Variants in SNX4 observed in about 807,000 individuals in gnomAD.
The protein encoded by SNX4 is sorting nexin 4.
SNX4 carries 49 observed loss-of-function variants against 70.8 expected under a neutral mutation model. That is an observed-to-expected ratio of 0.69 (90% CI 0.55 to 0.88). The LOEUF (loss-of-function observed/expected upper bound fraction) is 0.88. SNX4 is among the 40% of genes least tolerant of loss of function. The pLI is 0.00. For synonymous variants in SNX4, 206 were observed against 183.8 expected, an observed-to-expected ratio of 1.12 and a Z score of -0.98; for missense variants, 528 against 544.8, an observed-to-expected ratio of 0.97 and a Z score of 0.31.
intron 1 of SNX4, among the ~76,000 whole-genome samples, chr3:125,516,412 C>T (rs1231702362): frequency 6.6e-6 from 1 of 152,194 alleles, no homozygotes; most frequent in Non-Finnish European, 1.5e-5. Context: ...AAAGAGCTTA[C>T]ATAGAGTTTA....
At chr3:125,448,207 C>T (rs747290092) in intron 13 of SNX4, among the ~76,000 whole-genome samples, 1 of 151,740 alleles carries the variant, frequency 6.6e-6, no homozygotes, top group Non-Finnish European at 1.5e-5. Context: ...TCATTGCAGC[C>T]TTGACCTCCA....
chr3:125,478,535 T>A (rs1174995158), intron 7 of SNX4, among the ~76,000 whole-genome samples: 1 of 152,040 alleles, frequency 6.6e-6, no homozygotes, highest in African/African-American at 2.4e-5. Context: ...ATATGAATCA[T>A]GACTGCTCAA....
chr3:125,494,375 G>A (rs759556813), intron 5 of SNX4, among the ~76,000 whole-genome samples: 7 of 152,036 alleles, frequency 4.6e-5, no homozygotes, highest in Non-Finnish European at 8.8e-5. Flanking sequence ...ATGTGACCTT[G>A]GCTAAGTCAC....
intron 7 of SNX4, among the ~76,000 whole-genome samples, chr3:125,477,122 T>C (rs1934305391): frequency 6.6e-6 from 1 of 152,226 alleles, no homozygotes; most frequent in South Asian, 2.1e-4. Flanking sequence ...AATAATCTTG[T>C]TGGGATTCAG....
intron 9 of SNX4, among the ~76,000 whole-genome samples, chr3:125,465,925 G>A (rs974866340): frequency 1.3e-5 from 2 of 152,204 alleles, no homozygotes; most frequent in African/African-American, 2.4e-5. Context: ...TTAAAAGTGT[G>A]AGCCATTGTG....
At chr3:125,451,685 G>T (rs565195834) in intron 12 of SNX4, among the ~76,000 whole-genome samples, 2 of 151,802 alleles carry the variant, frequency 1.3e-5, no homozygotes, top group East Asian at 3.9e-4. Flanking sequence ...GGAGTGTAGT[G>T]GCGTGATCTT....
At chr3:125,490,524 C>CA (rs1173858739) in intron 5 of SNX4, among the ~76,000 whole-genome samples, 2,162 of 48,194 alleles carry the variant, frequency 0.045, 91 homozygotes, top group Non-Finnish European at 0.058. Context: ...ACTCTGTCTC[C>CA]AAAAAAAAAA....
intron 6 of SNX4, among the ~76,000 whole-genome samples, chr3:125,483,114 C>T (rs1016062333): frequency 3.3e-5 from 5 of 149,930 alleles, no homozygotes; most frequent in African/African-American, 1.2e-4. Flanking sequence ...TTATGTACTC[C>T]AAAACATTTA....
rs1475747030 is a variant in SNX4, at chr3:125,491,926, G to A, written c.598-2463C>T. Among the ~76,000 whole-genome samples, 3 of 151,790 alleles carry A rather than the reference G, an allele frequency of 2.0e-5. 1 individual carries two copies. Among genetic ancestry groups the A allele is most frequent in the Admixed American group, 2.0e-4 (3 of 15,252 alleles). On this transcript the variant is annotated intron_variant, in intron 5 of 13. Transcript: ENST00000251775. ...GTTTTAAACCAGCCTGGCCAATATG[G>A]CGAAACCCTGTCTCTACTAAAAATA... is the stretch of plus-strand genomic sequence containing the variant.
At chr3:125,498,406 G>A (rs1057291303) in intron 2 of SNX4, among the ~76,000 whole-genome samples, 4 of 151,930 alleles carry the variant, frequency 2.6e-5, no homozygotes, top group Admixed American at 2.6e-4. Context: ...TGCAGCCTTC[G>A]CCTCCTGGGC....
intron 10 of SNX4, 63 bp downstream of exon 10, chr3:125,460,708 G>A (rs920965460): frequency 5.7e-6 from 4 of 700,614 alleles, no homozygotes; most frequent in Non-Finnish European, 9.7e-6. Context: ...GTACTTTACA[G>A]TGGCATATGA....
At chr3:125,456,808 G>A (rs935989449) in intron 11 of SNX4, among the ~76,000 whole-genome samples, 3 of 152,054 alleles carry the variant, frequency 2.0e-5, no homozygotes, top group Non-Finnish European at 2.9e-5. Context: ...CTACAGGCGT[G>A]AGGCACCACA....
intron 12 of SNX4, among the ~76,000 whole-genome samples, chr3:125,451,743 T>C (rs985475650): frequency 1.3e-5 from 2 of 151,986 alleles, no homozygotes; most frequent in Non-Finnish European, 2.9e-5. Flanking sequence ...TCTCCTGCCT[T>C]AGCCTCCTGA....
Position 125,451,308 on chromosome 3 carries a change from T to G in SNX4, c.1302A>C (p.Lys434Asn). 1 of 1,608,332 alleles carries G rather than the reference T, an allele frequency of 6.2e-7. No individual in the cohort carries two copies. Among genetic ancestry groups the G allele is most frequent in the Non-Finnish European group, 8.5e-7 (1 of 1,175,648 alleles). The change falls in exon 13 of 14, where the codon AAA becomes AAC. Residue 434 changes from lysine (K) to asparagine (N), a missense_variant. Lys to Asn is a moderately conservative substitution (Grantham distance 94). Coordinates refer to ENST00000251775, the MANE Select transcript of SNX4 (RefSeq NM_003794.4). Reference protein sequence around the residue: ...SYAVMQISMCKKGIQVWTNAK... With the variant: ...SYAVMQISMCNKGIQVWTNAK... The stretch of plus-strand genomic sequence containing the variant: ...ACTGAAACAGGAAAAACCCTACCTT[T>G]TTGCACATACTGATCTGCATGACTG...
intron 1 of SNX4, among the ~76,000 whole-genome samples, chr3:125,519,826 G>GC (rs576201854): frequency 9.1e-4 from 138 of 151,976 alleles, no homozygotes; most frequent in African/African-American, 3.1e-3. Context: ...CCTGGCGCTC[G>GC]CCCCACACCC....
At chr3:125,519,701 CCCT>C (rs1935358855) in intron 1 of SNX4, among the ~76,000 whole-genome samples, 1 of 152,162 alleles carries the variant, frequency 6.6e-6, no homozygotes, top group Non-Finnish European at 1.5e-5. Context: ...ACTGAAAACC[CCCT>C]CCTCCAGCCT....
intron 6 of SNX4, among the ~76,000 whole-genome samples, chr3:125,483,014 G>C (rs1342400437): frequency 2.0e-5 from 3 of 151,986 alleles, no homozygotes; most frequent in African/African-American, 4.8e-5. Context: ...AGGGGAAATG[G>C]ATAGAGAGGA....
intron 8 of SNX4, among the ~76,000 whole-genome samples, chr3:125,471,655 T>C (rs1347680035): frequency 6.6e-6 from 1 of 152,222 alleles, no homozygotes; most frequent in Non-Finnish European, 1.5e-5. Context: ...ACACAACATT[T>C]TAGGCTATTA....
At chr3:125,505,439 T>TAAAGGCTTGCAACTCCCAGGG (rs1470270956) in intron 1 of SNX4, among the ~76,000 whole-genome samples, 4 of 152,154 alleles carry the variant, frequency 2.6e-5, no homozygotes, top group Non-Finnish European at 5.9e-5. Context: ...TGGAGTCCAA[T>TAAAGGCTTGCAACTCCCAGGG]AAAGGCTTGC....
Sources: gnomAD v4.1 joint callset for allele counts (sites outside exome capture counted in the v4.1 genomes callset) on GRCh38, gnomAD v4.1.1 for gene constraint, MANE v1.5 for transcripts, NCBI Gene and HGNC (gene_info 2026-07-23, HGNC 2026-07-21) for gene names.